Variants in PRKDC observed in about 807,000 individuals in gnomAD.
PRKDC encodes the protein DNA-dependent protein kinase catalytic subunit.
Under a neutral mutation model 486.9 loss-of-function variants are expected in PRKDC, and 82 were observed. That is an observed-to-expected ratio of 0.17 (90% CI 0.14 to 0.20). The LOEUF is 0.20. Among genes scored for constraint, PRKDC ranks in the 10% least tolerant of loss-of-function variants. PRKDC has a pLI of 1.00. For missense variants in PRKDC, 4,504 were observed against 5,038.2 expected (o/e 0.89, Z 3.21); for synonymous variants, 1,895 against 1,837.0 (o/e 1.03, Z -0.81).
intron 7 of PRKDC, among the ~76,000 whole-genome samples, chr8:47,944,919 G>A (rs145311248): frequency 2.7e-4 from 41 of 152,220 alleles, no homozygotes; most frequent in African/African-American, 8.7e-4. Flanking sequence ...GCATAAATGA[G>A]ATACAAAAAA....
rs372202384 is a variant in PRKDC, at chr8:47,828,175, C to T, written c.8570G>A (p.Cys2857Tyr). 1.9e-6 allele frequency: 3 copies of T among 1,613,040 alleles called. No homozygotes were observed. The highest frequency in any genetic ancestry group is 1.7e-6 in the Non-Finnish European group (2 of 1,179,434). Residue 2857 changes from cysteine to tyrosine, a missense_variant, in exon 62 of 86, where the codon TGT becomes TAT. Physicochemically the swap from Cys to Tyr is radical, Grantham distance 194 (BLOSUM62 -2). Transcript: ENST00000314191. ...AGTGTGTGCAGACTTTACCTGAATA[C>T]AAGAGACAAAGGGTGGAAAGAAAGA... ...TFSFFPPFVSCIQDISCQHAA... is the reference protein window; with the variant it reads ...TFSFFPPFVSYIQDISCQHAA...
rs1470863589 is a variant in PRKDC at position 47,957,370 on chromosome 8, T to C, written c.216A>G (p.Ser72=). Residue 72 remains serine, a synonymous_variant, in exon 2 of 86, where the codon TCA becomes TCG. Coordinates refer to ENST00000314191, the MANE Select transcript of PRKDC (RefSeq NM_006904.7). ...DFGLLVFVRK[S]LNSIEFRECR... ...GTCAACTTACTTCAATACTGTTGAGTGACTTCCGGACAAATACAAGCAAAC... is the reference window on the plus strand; with the variant it reads ...GTCAACTTACTTCAATACTGTTGAGCGACTTCCGGACAAATACAAGCAAAC... The C allele has an allele frequency of 6.3e-7, 1 of 1,598,084 alleles. No homozygotes were observed. The highest frequency in any genetic ancestry group is 1.1e-5 in the South Asian group (1 of 88,650).
chr8:47,827,118 TCACACA>T (rs61385951), intron 62 of PRKDC, among the ~76,000 whole-genome samples: 9,066 of 128,142 alleles, frequency 0.071, 305 homozygotes, highest in Middle Eastern at 0.093. Flanking sequence ...AATATGAAGA[TCACACA>T]CACACACACA....
At chr8:47,902,840 C>T in intron 26 of PRKDC, 45 bp from the exon 27 acceptor site, 1 of 1,445,268 alleles carries the variant, frequency 6.9e-7, no homozygotes, top group East Asian at 2.3e-5. Context: ...TTTTTATAAC[C>T]ACTGACAACT....
intron 40 of PRKDC, among the ~76,000 whole-genome samples, chr8:47,867,311 A>G (rs1384759159): frequency 1.3e-5 from 2 of 152,164 alleles, no homozygotes; most frequent in African/African-American, 4.8e-5. Context: ...TATAGCTTTG[A>G]TTTTAGTCAT....
chr8:47,796,553 T>G (rs1287880434), intron 73 of PRKDC, among the ~76,000 whole-genome samples: 1 of 152,074 alleles, frequency 6.6e-6, no homozygotes. Flanking sequence ...AAGTCAGCTT[T>G]TTGTTTCTTA....
intron 54 of PRKDC, 90 bp downstream of exon 54, chr8:47,849,064 C>T: frequency 1.4e-6 from 2 of 1,477,962 alleles, no homozygotes; most frequent in South Asian, 1.3e-5. Flanking sequence ...ATCATGGAAA[C>T]CCACAGGTTC....
intron 60 of PRKDC, 37 bp downstream of exon 60, chr8:47,831,777 T>A (rs375582272): frequency 1.9e-6 from 3 of 1,595,016 alleles, no homozygotes; most frequent in Non-Finnish European, 2.6e-6. Flanking sequence ...TGACAGAAAC[T>A]GCATCGTTCT....
chr8:47,873,866 G>T (rs1377366629), intron 40 of PRKDC, among the ~76,000 whole-genome samples: 1 of 151,992 alleles, frequency 6.6e-6, no homozygotes, highest in East Asian at 1.9e-4. Context: ...GGCTGGAAAG[G>T]GTAAGAGGGA....
rs35230621 is a variant in PRKDC, at chr8:47,906,622, C to CA, written c.2935-1647dup. 5.8e-3 allele frequency among the ~76,000 whole-genome samples: 798 copies of CA among 138,030 alleles called. 8 individuals carry two copies. Among genetic ancestry groups the CA allele is most frequent in the South Asian group, 0.014 (61 of 4,348 alleles). The allele number at this position is 138,030 out of a possible 152,430, so 90.6% of individuals were successfully genotyped here. On this transcript the variant is annotated intron_variant, in intron 25 of 85. Transcript: ENST00000314191. ...CACTCCAGACACAGTGAGATTCCGT[C>CA]AAAAAAAAAAAAAGTAAAATGCTTG...
At chr8:47,843,957 C>G (rs1263892114) in intron 54 of PRKDC, among the ~76,000 whole-genome samples, 1 of 152,128 alleles carries the variant, frequency 6.6e-6, no homozygotes, top group Non-Finnish European at 1.5e-5. Context: ...AAGTACATAG[C>G]CCACAGATAC....
rs912601390 is a variant in PRKDC, at chr8:47,794,451, C to T, written c.10509G>A (p.Val3503=). The T allele has an allele frequency of 1.9e-6, 3 of 1,613,806 alleles. No individual in the cohort carries two copies. The highest frequency in any genetic ancestry group is 2.5e-6 in the Non-Finnish European group (3 of 1,179,730). ...CGGCTTGGTCTTTGTCCAGTAAGGC[C>T]ACCATGTGGCTGATCCAGCTGATGA... ...WQFISWISHM[V]ALLDKDQAVA... The change falls in exon 74 of 86, where the codon GTG becomes GTA. Residue 3503 remains valine, a synonymous_variant. Transcript: ENST00000314191.
chr8:47,926,377 A>G (rs990303153), intron 21 of PRKDC, among the ~76,000 whole-genome samples: 2 of 152,198 alleles, frequency 1.3e-5, no homozygotes, highest in African/African-American at 4.8e-5. Flanking sequence ...CACAACTTTC[A>G]CTTAATGTTT....
intron 23 of PRKDC, 117 bp from the exon 24 acceptor site, chr8:47,914,181 C>G: frequency 1.2e-6 from 1 of 829,050 alleles, no homozygotes; most frequent in African/African-American, 1.8e-5. Context: ...TAAAGTGAAG[C>G]ACTTCATTCA....
chr8:47,813,093 A>ATATTTATTTATTTATT (rs139524100), intron 68 of PRKDC, among the ~76,000 whole-genome samples: 9 of 148,198 alleles, frequency 6.1e-5, no homozygotes, highest in African/African-American at 2.0e-4. Flanking sequence ...ATAGAATTTT[A>ATATTTATTTATTTATT]TATTTATTTA....
intron 68 of PRKDC, among the ~76,000 whole-genome samples, chr8:47,816,890 G>T (rs994997824): frequency 1.3e-5 from 2 of 151,684 alleles, no homozygotes; most frequent in Admixed American, 6.6e-5. Context: ...GAGTCCTTAA[G>T]TCCTATTTCC....
At chr8:47,824,088 CACATTATATTA>C in intron 63 of PRKDC, 92 bp from the exon 64 acceptor site, 1 of 1,224,670 alleles carries the variant, frequency 8.2e-7, no homozygotes, top group African/African-American at 1.5e-5. Context: ...CAAGTTGCCA[CACATTATATTA>C]ACAAGAGACA....
chr8:47,916,412 C>T (rs1320848338), intron 22 of PRKDC, among the ~76,000 whole-genome samples: 1 of 151,402 alleles, frequency 6.6e-6, no homozygotes, highest in Admixed American at 6.6e-5. Context: ...GCCTGGGCAA[C>T]GTAGCGAGAC....
intron 58 of PRKDC, among the ~76,000 whole-genome samples, chr8:47,835,202 T>A (rs140959423): frequency 7.7e-4 from 117 of 152,340 alleles, no homozygotes; most frequent in African/African-American, 2.6e-3. Context: ...TTAATAACTA[T>A]AAATCTAGTA....
Sources: allele counts gnomAD v4.1 joint callset (sites outside exome capture counted in the v4.1 genomes callset), GRCh38; gene constraint gnomAD v4.1.1; transcripts MANE v1.5; gene names NCBI Gene and HGNC (gene_info 2026-07-23, HGNC 2026-07-21).